Variants in RBM17 observed in about 807,000 individuals in gnomAD.
The protein encoded by RBM17 is splicing factor 45.
Under a neutral mutation model 53.2 loss-of-function variants are expected in RBM17, and 7 were observed. That is an observed-to-expected ratio of 0.13 (90% CI 0.07 to 0.25). The LOEUF is 0.25. Among genes scored for constraint, RBM17 ranks in the 10% least tolerant of loss-of-function variants. RBM17 has a pLI of 1.00. For missense variants in RBM17, 257 were observed against 496.7 expected (o/e 0.52, Z 4.59); for synonymous variants, 167 against 178.1 (o/e 0.94, Z 0.50).
chr10:6,116,649 C>T lies in RBM17; in HGVS notation c.*1093C>T, dbSNP rs1319225550. On this transcript the variant is annotated 3_prime_UTR_variant, in exon 12 of 12. Coordinates refer to ENST00000379888, the MANE Select transcript of RBM17 (RefSeq NM_032905.5). ...AAATACTGCATGTGACTTTCCTAAG[C>T]GGCAGCTGAAAGACTCGAGCCCGTG... 2.6e-5 allele frequency: 4 copies of T among 152,308 alleles called. No homozygotes were observed. The highest frequency in any genetic ancestry group is 4.4e-5 in the Non-Finnish European group (3 of 68,034). The allele number at this position is 152,308 out of a possible 1,614,324, so 9.4% of individuals were successfully genotyped here.
chr10:6,098,875 T>G (rs1463979461), intron 2 of RBM17, among the ~76,000 whole-genome samples: 2 of 151,662 alleles, frequency 1.3e-5, no homozygotes, highest in Non-Finnish European at 2.9e-5. Context: ...TCTTAAAAGT[T>G]CTACTCATTT....
chr10:6,113,652 C>A (rs1840871453), intron 9 of RBM17, 71 bp downstream of exon 9: 1 of 987,956 alleles, frequency 1.0e-6, no homozygotes, highest in Admixed American at 2.0e-5. Context: ...TACCCTGCTC[C>A]CCCTAAAAGT....
chr10:6,090,102 G>A (rs1050125891), intron 1 of RBM17: 2 of 152,204 alleles, frequency 1.3e-5, no homozygotes, highest in Non-Finnish European at 2.9e-5. Context: ...TTTGAGGAGG[G>A]GCTGCTGTGT....
chr10:6,097,173 T>A lies in RBM17; in HGVS notation c.108T>A (p.Ala36=), dbSNP rs1485459287. The change falls in exon 2 of 12, where the codon GCT becomes GCA. Residue 36 remains alanine (A), a synonymous_variant. Transcript: ENST00000379888. ...LQSQLQVKKA[A]LTQAKSQRTK... Reference sequence around the variant, plus strand: ...CTCAGCTTCAGGTGAAGAAGGCAGCTCTCACTCAGGCAAAGGTAAAGACAA... The same window carrying A: ...CTCAGCTTCAGGTGAAGAAGGCAGCACTCACTCAGGCAAAGGTAAAGACAA... 4 of 1,613,980 alleles carry A rather than the reference T, an allele frequency of 2.5e-6. No homozygotes were observed. The highest frequency in any genetic ancestry group is 3.4e-6 in the Non-Finnish European group (4 of 1,179,924).
At chr10:6,095,157 C>T (rs1840553561) in intron 1 of RBM17, among the ~76,000 whole-genome samples, 1 of 152,136 alleles carries the variant, frequency 6.6e-6, no homozygotes, top group Non-Finnish European at 1.5e-5. Context: ...GTCAGTTTTG[C>T]ACTGAAGACA....
intron 5 of RBM17, among the ~76,000 whole-genome samples, chr10:6,107,748 C>A (rs899704884): frequency 8.5e-5 from 13 of 152,110 alleles, no homozygotes; most frequent in Non-Finnish European, 1.8e-4. Context: ...TCTCAAAGTG[C>A]TGGGATTACA....
chr10:6,095,551 C>A (rs1017883498), intron 1 of RBM17, among the ~76,000 whole-genome samples: 30 of 152,170 alleles, frequency 2.0e-4, no homozygotes, highest in African/African-American at 7.2e-4. Context: ...GAGCAGTCGG[C>A]CATCAATACC....
intron 6 of RBM17, among the ~76,000 whole-genome samples, chr10:6,109,209 G>C (rs560190028): frequency 2.0e-5 from 3 of 152,208 alleles, no homozygotes; most frequent in African/African-American, 7.2e-5. Flanking sequence ...CTCACCCACT[G>C]TTCCTTCTCG....
chr10:6,107,324 T>C (rs1038003853), intron 5 of RBM17, among the ~76,000 whole-genome samples: 7 of 151,882 alleles, frequency 4.6e-5, no homozygotes, highest in African/African-American at 1.5e-4. Flanking sequence ...ATTACAGGTG[T>C]GCGCTACCAC....
chr10:6,106,082 G>A (rs1232935320), intron 4 of RBM17, 59 bp from the exon 5 acceptor site: 2 of 1,200,758 alleles, frequency 1.7e-6, no homozygotes, highest in Non-Finnish European at 2.5e-6. Context: ...AGTCATCCCA[G>A]GTTCAGGTCT....
At chr10:6,093,312 C>T (rs1840517252) in intron 1 of RBM17, among the ~76,000 whole-genome samples, 1 of 152,174 alleles carries the variant, frequency 6.6e-6, no homozygotes, top group South Asian at 2.1e-4. Context: ...CTCCCGGGTT[C>T]AAGCAATTCT....
chr10:6,097,287 A>G (rs1840590570), intron 2 of RBM17, 99 bp downstream of exon 2: 2 of 1,229,208 alleles, frequency 1.6e-6, no homozygotes, highest in Non-Finnish European at 1.2e-6. Context: ...CTGCCTTTGT[A>G]TTGGGTAAAT....
At chr10:6,105,475 T>C (rs764217800) in intron 4 of RBM17, among the ~76,000 whole-genome samples, 10 of 152,218 alleles carry the variant, frequency 6.6e-5, no homozygotes, top group Non-Finnish European at 1.2e-4. Flanking sequence ...GAAATGTGCA[T>C]TGGGGGATTT....
intron 3 of RBM17, among the ~76,000 whole-genome samples, chr10:6,102,890 CCTG>C (rs1840688388): frequency 6.6e-6 from 1 of 152,174 alleles, no homozygotes; most frequent in South Asian, 2.1e-4. Context: ...GCCTCCTCCT[CCTG>C]GGCTCAAGCG....
intron 2 of RBM17, among the ~76,000 whole-genome samples, chr10:6,098,400 G>A (rs928568421): frequency 8.6e-5 from 13 of 152,034 alleles, no homozygotes; most frequent in Non-Finnish European, 7.4e-5. Context: ...TCATTTTTGG[G>A]ATTTACTTCT....
At chr10:6,108,288 C>G (rs915223599) in intron 5 of RBM17, among the ~76,000 whole-genome samples, 5 of 152,172 alleles carry the variant, frequency 3.3e-5, no homozygotes, top group African/African-American at 1.2e-4. Flanking sequence ...ATATCTACTT[C>G]AGAGGTCTGT....
chr10:6,089,129 G>A lies in RBM17; in HGVS notation c.-83G>A, dbSNP rs1345254554. 2 of 160,922 alleles carry A rather than the reference G, an allele frequency of 1.2e-5. No homozygotes were observed. Among genetic ancestry groups the A allele is most frequent in the Non-Finnish European group, 2.7e-5 (2 of 73,088 alleles). The allele number at this position is 160,922 out of a possible 1,614,324, so 10.0% of individuals were successfully genotyped here. A position where few individuals can be genotyped will look rare whatever the true frequency, so the allele number is the denominator to read the frequency against. On this transcript the variant is annotated 5_prime_UTR_variant, in exon 1 of 12. Coordinates refer to ENST00000379888, the MANE Select transcript of RBM17 (RefSeq NM_032905.5). This position sits in a 1 kb window ranked among gnomAD's most constrained non-coding sequence, Gnocchi z 5.6. ...CTCCTGCCGCTGGCGGGTTTCCGCG[G>A]AGTGCCGCCCGGCTCCGCTCTGCCG...
In RBM17 at chr10:6,115,886, AAAAAAAAAC is replaced by A. The variant is rs1840908601; in HGVS notation, c.*331_*339del. The stretch of plus-strand genomic sequence containing the variant: ...ATTTCTTGCACTAAAAAAAAAAAAA[AAAAAAAAAC>A]TAGAAAGTTTTGGGACATGGGGTTA... On this transcript the variant is annotated 3_prime_UTR_variant, in exon 12 of 12. Transcript: ENST00000379888. 2.2e-5 allele frequency: 4 copies of A among 180,834 alleles called. No homozygotes were observed. Among genetic ancestry groups the A allele is most frequent in the African/African-American group, 7.1e-5 (3 of 42,436 alleles). The allele number at this position is 180,834 out of a possible 1,614,324, so 11.2% of individuals were successfully genotyped here.
At chr10:6,106,879 T>C (rs1256372354) in intron 5 of RBM17, among the ~76,000 whole-genome samples, 2 of 152,202 alleles carry the variant, frequency 1.3e-5, no homozygotes, top group East Asian at 3.8e-4. Flanking sequence ...GCCCATCATA[T>C]GTATAGTTGT....
Sources: allele counts gnomAD v4.1 joint callset (sites outside exome capture counted in the v4.1 genomes callset), GRCh38; gene constraint gnomAD v4.1.1; non-coding constraint Gnocchi (gnomAD v3.1); transcripts MANE v1.5; gene names NCBI Gene and HGNC (gene_info 2026-07-23, HGNC 2026-07-21).